The following RPS6KC1 variants were observed in gnomAD, a reference collection of about 807,000 sequenced individuals.
RPS6KC1 encodes the protein inactive ribosomal protein S6 kinase delta-1.
In RPS6KC1, 54 loss-of-function variants were observed where a neutral mutation model predicts 103.8. That is an observed-to-expected ratio of 0.52 (90% confidence interval 0.42 to 0.65). The LOEUF is 0.65. Among genes scored for constraint, RPS6KC1 ranks in the 30% least tolerant of loss-of-function variants. The probability of loss-of-function intolerance (pLI) is 0.00; values close to 1 mark genes in which losing one functional copy is unlikely to be tolerated. For synonymous variants in RPS6KC1, 439 were observed against 438.7 expected (o/e 1.00, Z -0.01); for missense variants, 1,151 against 1,253.8 (o/e 0.92, Z 1.24).
the RPS6KC1 span, among the ~76,000 whole-genome samples, chr1:213,286,840 G>A: frequency 6.6e-6 from 1 of 152,170 alleles, no homozygotes; most frequent in Non-Finnish European, 1.5e-5. Context: ...TACAATCTGG[G>A]TTTGAAACTG....
At chr1:213,382,059 T>A in the RPS6KC1 span, among the ~76,000 whole-genome samples, 2 of 152,134 alleles carry the variant, frequency 1.3e-5, no homozygotes, top group African/African-American at 4.8e-5. Flanking sequence ...TTTTTTTGTG[T>A]TTGTGTGTGT....
chr1:213,749,668 TC>T, the RPS6KC1 span, among the ~76,000 whole-genome samples: 1 of 143,430 alleles, frequency 7.0e-6, no homozygotes, highest in African/African-American at 2.5e-5. Flanking sequence ...CTCCCCCACC[TC>T]CCAACTCCCG....
chr1:213,766,715 T>C, the RPS6KC1 span, among the ~76,000 whole-genome samples: 1 of 152,188 alleles, frequency 6.6e-6, no homozygotes, highest in Non-Finnish European at 1.5e-5. Flanking sequence ...TAATTATGTG[T>C]CATTCTCATA....
intron 6 of RPS6KC1, among the ~76,000 whole-genome samples, chr1:213,146,877 G>GATTTGCATTTCTCTACT (rs2087908515): frequency 6.6e-6 from 1 of 151,052 alleles, no homozygotes; most frequent in African/African-American, 2.4e-5. Flanking sequence ...CCCGTCTTTT[G>GATTTGCATTTCTCTACT]GATATAAGCC....
At chr1:213,460,953 G>A in the RPS6KC1 span, among the ~76,000 whole-genome samples, 1 of 152,200 alleles carries the variant, frequency 6.6e-6, no homozygotes, top group African/African-American at 2.4e-5. Flanking sequence ...TCTGCTGAGA[G>A]ATCCACTGTT....
At chr1:213,503,831 G>A in the RPS6KC1 span, among the ~76,000 whole-genome samples, 127 of 152,214 alleles carry the variant, frequency 8.3e-4, 1 homozygote, top group Non-Finnish European at 1.0e-3. Flanking sequence ...AGACTTTCTG[G>A]AAAATAATCT....
intron 8 of RPS6KC1, among the ~76,000 whole-genome samples, chr1:213,204,150 CAGACCCT>C (rs988296191): frequency 1.3e-5 from 2 of 152,200 alleles, no homozygotes; most frequent in African/African-American, 4.8e-5. Context: ...TTGTAGAGCA[CAGACCCT>C]ATCTGCTGTG....
the RPS6KC1 span, among the ~76,000 whole-genome samples, chr1:213,853,196 T>G: frequency 6.6e-6 from 1 of 152,218 alleles, no homozygotes; most frequent in South Asian, 2.1e-4. Context: ...AGCCAGCAGA[T>G]GTGTATTAAG....
intron 1 of RPS6KC1, among the ~76,000 whole-genome samples, chr1:213,069,947 G>A (rs1203166704): frequency 2.0e-5 from 3 of 152,124 alleles, no homozygotes. Flanking sequence ...TTTTTACCTG[G>A]TGTTAGACTT....
chr1:213,218,991 C>G (rs1280208485), intron 8 of RPS6KC1, among the ~76,000 whole-genome samples: 2 of 152,158 alleles, frequency 1.3e-5, no homozygotes, highest in Non-Finnish European at 2.9e-5. Context: ...GCAATGGCAA[C>G]AAAAGCCAGA....
At chr1:213,463,927 C>T in the RPS6KC1 span, among the ~76,000 whole-genome samples, 9 of 152,136 alleles carry the variant, frequency 5.9e-5, no homozygotes, top group Admixed American at 5.9e-4. Flanking sequence ...TCAGAATAAT[C>T]AACATTATAA....
At chr1:213,710,049 A>G in the RPS6KC1 span, among the ~76,000 whole-genome samples, 3 of 152,082 alleles carry the variant, frequency 2.0e-5, no homozygotes, top group Non-Finnish European at 4.4e-5. Flanking sequence ...TTGGTCCAGA[A>G]CTGAGTTCAA....
At chr1:213,624,747 G>A in the RPS6KC1 span, among the ~76,000 whole-genome samples, 14 of 152,200 alleles carry the variant, frequency 9.2e-5, no homozygotes, top group Admixed American at 4.6e-4. Context: ...TCTTTTTGCC[G>A]TGTTCTCACT....
chr1:213,146,860 G>T lies in RPS6KC1; in HGVS notation c.835+16971G>T, dbSNP rs529036655. Among the ~76,000 whole-genome samples, 3 of 152,216 alleles carry T rather than the reference G, an allele frequency of 2.0e-5. No individual in the cohort carries two copies. In the East Asian group the frequency reaches 5.8e-4, roughly 29 times the overall value. ...TTTCTTCACATCCTCACCAGTATTT[G>T]TTATTGCCCGTCTTTTGGATATAAG... On this transcript the variant is annotated intron_variant, in intron 6 of 14. Transcript: ENST00000366960.
At chr1:213,091,485 T>C (rs1428421185) in intron 3 of RPS6KC1, among the ~76,000 whole-genome samples, 1 of 152,228 alleles carries the variant, frequency 6.6e-6, no homozygotes, top group Non-Finnish European at 1.5e-5. Flanking sequence ...AAATGAACCT[T>C]TTGTACTTTG....
the RPS6KC1 span, among the ~76,000 whole-genome samples, chr1:213,331,335 C>T: frequency 3.9e-5 from 6 of 152,216 alleles, no homozygotes; most frequent in African/African-American, 1.4e-4. Flanking sequence ...CTGGCCCTCT[C>T]ACCTATGGGT....
At chr1:213,712,039 G>A in the RPS6KC1 span, among the ~76,000 whole-genome samples, 3 of 152,210 alleles carry the variant, frequency 2.0e-5, no homozygotes, top group Non-Finnish European at 4.4e-5. Flanking sequence ...GAGCTCAAGC[G>A]CTGTGCCGGT....
chr1:213,825,159 C>G, the RPS6KC1 span, among the ~76,000 whole-genome samples: 2 of 152,210 alleles, frequency 1.3e-5, no homozygotes, highest in South Asian at 4.1e-4. Flanking sequence ...GGCTCTGAAG[C>G]GTCAATTAAT....
At chr1:213,177,348 AT>A (rs1332193017) in intron 8 of RPS6KC1, among the ~76,000 whole-genome samples, 4 of 152,124 alleles carry the variant, frequency 2.6e-5, no homozygotes, top group African/African-American at 9.7e-5. Flanking sequence ...TAATTTAGAT[AT>A]TTTTTCACCA....
Sources: gnomAD v4.1 joint callset for allele counts (sites outside exome capture counted in the v4.1 genomes callset) on GRCh38, gnomAD v4.1.1 for gene constraint, MANE v1.5 for transcripts, NCBI Gene and HGNC (gene_info 2026-07-23, HGNC 2026-07-21) for gene names.